TRIM33: variants seen among roughly 807,000 people sequenced by gnomAD.
TRIM33 encodes E3 ubiquitin-protein ligase TRIM33.
Under a neutral mutation model 125.4 loss-of-function variants are expected in TRIM33, and 20 were observed. The ratio of observed to expected loss-of-function variants is 0.16; its 90% CI spans 0.11 to 0.23. The LOEUF (loss-of-function observed/expected upper bound fraction) is 0.23, where lower values mean the gene tolerates loss of function less well. TRIM33 is among the 10% of genes least tolerant of loss of function. The probability of loss-of-function intolerance (pLI) is 1.00; values close to 1 mark genes in which losing one functional copy is unlikely to be tolerated. For synonymous variants in TRIM33, 564 were observed against 513.9 expected (o/e 1.10, Z -1.32); for missense variants, 920 against 1,411.4 (o/e 0.65, Z 5.58).
At chr1:114,430,346 T>G (rs1647865969) in intron 6 of TRIM33, among the ~76,000 whole-genome samples, 2 of 152,088 alleles carry the variant, frequency 1.3e-5, no homozygotes, top group Admixed American at 6.6e-5. Flanking sequence ...CCGGGCTCAG[T>G]CGATCCTCCC....
intron 4 of TRIM33, among the ~76,000 whole-genome samples, chr1:114,434,817 G>A (rs572305234): frequency 6.6e-5 from 10 of 152,072 alleles, no homozygotes; most frequent in African/African-American, 1.2e-4. Context: ...TGCCTAAATC[G>A]GCCTCAATAC....
rs533119368 is a variant in TRIM33, at chr1:114,402,724, G to T, written c.2892+36C>A. The T allele has an allele frequency of 8.7e-6, 14 of 1,601,748 alleles. No homozygotes were observed. The South Asian group carries it at 1.6e-4, about 18-fold the overall frequency. On this transcript the variant is annotated intron_variant, in intron 16 of 19. Transcript: ENST00000358465. ...GTGTATATATAGGCAGACAACTACT[G>T]AATCCCAGTGACAAATCAACTTATT...
chr1:114,416,660 T>A (rs1233634202), intron 11 of TRIM33, among the ~76,000 whole-genome samples: 1 of 152,220 alleles, frequency 6.6e-6, no homozygotes, highest in Admixed American at 6.5e-5. Flanking sequence ...TTTTCTTGAT[T>A]AGGCAAAAGA....
intron 4 of TRIM33, among the ~76,000 whole-genome samples, chr1:114,453,263 C>G (rs188548298): frequency 6.6e-6 from 1 of 151,282 alleles, no homozygotes; most frequent in African/African-American, 2.4e-5. Context: ...ACTCGGGAAG[C>G]TGAGGCATGA....
At chr1:114,442,568 A>C (rs1455531745) in intron 4 of TRIM33, among the ~76,000 whole-genome samples, 1 of 151,626 alleles carries the variant, frequency 6.6e-6, no homozygotes, top group African/African-American at 2.4e-5. Flanking sequence ...GGCGCCTGTG[A>C]TCCCAGCTAC....
chr1:114,458,726 A>C (rs535163243), intron 4 of TRIM33, among the ~76,000 whole-genome samples: 13 of 152,244 alleles, frequency 8.5e-5, no homozygotes, highest in African/African-American at 2.9e-4. Context: ...CTGCTGTCTC[A>C]GTGTATTGAC....
chr1:114,466,815 A>G (rs1650330010), intron 1 of TRIM33, among the ~76,000 whole-genome samples: 1 of 152,128 alleles, frequency 6.6e-6, no homozygotes, highest in African/African-American at 2.4e-5. Flanking sequence ...CTGGCGTCGA[A>G]CTCCTGACCT....
At position 114,461,223 on chromosome 1, in the gene TRIM33, T is replaced by A. The variant is rs1172030190; in HGVS notation, c.923+1881A>T. ...AAGAACCTGTCTTTAAAAATATATATATATATATATATACATATATTTATA... is the reference window on the plus strand; with the variant it reads ...AAGAACCTGTCTTTAAAAATATATAAATATATATATATACATATATTTATA... On this transcript the variant is annotated intron_variant, in intron 4 of 19. Coordinates refer to ENST00000358465, the MANE Select transcript of TRIM33 (RefSeq NM_015906.4). 1.5e-3 allele frequency among the ~76,000 whole-genome samples: 203 copies of A among 137,282 alleles called. 1 individual carries two copies. Among genetic ancestry groups the A allele is most frequent in the African/African-American group, 4.1e-3 (149 of 35,994 alleles). The allele number at this position is 137,282 out of a possible 152,430, so 90.1% of individuals were successfully genotyped here. A position where few individuals can be genotyped will look rare whatever the true frequency, so the allele number is the denominator to read the frequency against.
chr1:114,402,548 A>G (rs1027068625), intron 16 of TRIM33, among the ~76,000 whole-genome samples: 2 of 152,016 alleles, frequency 1.3e-5, no homozygotes, highest in African/African-American at 4.8e-5. Context: ...TTTAGTTGGG[A>G]CATGTTAAGT....
intron 4 of TRIM33, among the ~76,000 whole-genome samples, chr1:114,451,525 G>C (rs903855798): frequency 3.9e-5 from 6 of 152,014 alleles, no homozygotes; most frequent in Admixed American, 1.3e-4. Flanking sequence ...TAGAAACCTA[G>C]TAATGTTCTC....
intron 4 of TRIM33, among the ~76,000 whole-genome samples, chr1:114,456,681 T>C (rs748617190): frequency 5.9e-5 from 9 of 152,218 alleles, no homozygotes; most frequent in Non-Finnish European, 1.0e-4. Context: ...CACAGGGTTA[T>C]TTCCACTCAC....
Position 114,421,622 on chromosome 1 carries a change from C to T in TRIM33, c.1875G>A (p.Gly625=), listed in dbSNP as rs751139013. Residue 625 remains glycine, a synonymous_variant, in exon 11 of 20, where the codon GGG becomes GGA. Coordinates refer to ENST00000358465, the MANE Select transcript of TRIM33 (RefSeq NM_015906.4). ...ATACTACGGGAAAGGGTCCAGCATG[C>T]CCTGGGTTTGAGTGCTAATAAGAAA... is the stretch of plus-strand genomic sequence containing the variant. ...PHLQRQHSNP[G]HAGPFPVVSV... 3.7e-6 allele frequency: 6 copies of T among 1,613,924 alleles called. No homozygotes were observed. The highest frequency in any genetic ancestry group is 1.7e-5 in the Admixed American group (1 of 59,978).
chr1:114,459,110 T>A (rs1330749940), intron 4 of TRIM33, among the ~76,000 whole-genome samples: 1 of 152,160 alleles, frequency 6.6e-6, no homozygotes. Context: ...ATCTCTGAAA[T>A]AAGTATATTT....
intron 1 of TRIM33, among the ~76,000 whole-genome samples, chr1:114,495,199 GC>G (rs1252214768): frequency 6.6e-6 from 1 of 152,130 alleles, no homozygotes; most frequent in Non-Finnish European, 1.5e-5. Flanking sequence ...ACAGGTGTGA[GC>G]CCCCATGCCT....
intron 6 of TRIM33, among the ~76,000 whole-genome samples, chr1:114,428,507 AC>A (rs1647732479): frequency 6.6e-6 from 1 of 152,108 alleles, no homozygotes; most frequent in South Asian, 2.1e-4. Flanking sequence ...AACTAAAATC[AC>A]CCCAGGAGGG....
At chr1:114,451,216 T>C (rs1485558175) in intron 4 of TRIM33, among the ~76,000 whole-genome samples, 1 of 152,114 alleles carries the variant, frequency 6.6e-6, no homozygotes, top group Non-Finnish European at 1.5e-5. Flanking sequence ...ATAGGTCCAT[T>C]TTTTGTGACA....
At chr1:114,419,407 C>T (rs549949978) in intron 11 of TRIM33, among the ~76,000 whole-genome samples, 1 of 152,240 alleles carries the variant, frequency 6.6e-6, no homozygotes, top group South Asian at 2.1e-4. Flanking sequence ...GATAACCCGT[C>T]AGGCGGTTAT....
chr1:114,417,273 A>G (rs1428598051), intron 11 of TRIM33, among the ~76,000 whole-genome samples: 1 of 152,148 alleles, frequency 6.6e-6, no homozygotes, highest in African/African-American at 2.4e-5. Context: ...ATTAGTGGTA[A>G]TGGTTGTACA....
At chr1:114,465,707 T>A (rs981467421) in intron 1 of TRIM33, among the ~76,000 whole-genome samples, 1 of 152,070 alleles carries the variant, frequency 6.6e-6, no homozygotes, top group Non-Finnish European at 1.5e-5. Context: ...ACTGTTCTTA[T>A]TAATATTTCC....
Sources: gnomAD v4.1 joint callset for allele counts (sites outside exome capture counted in the v4.1 genomes callset) on GRCh38, gnomAD v4.1.1 for gene constraint, MANE v1.5 for transcripts, NCBI Gene and HGNC (gene_info 2026-07-23, HGNC 2026-07-21) for gene names.